Variants in DNAH7 observed in about 807,000 individuals in gnomAD.
The protein encoded by DNAH7 is dynein axonemal heavy chain 7.
DNAH7 carries 397 observed loss-of-function variants against 444.6 expected under a neutral mutation model. That is an observed-to-expected ratio of 0.89 (90% CI 0.82 to 0.97). The LOEUF (loss-of-function observed/expected upper bound fraction) is 0.97, where lower values mean the gene tolerates loss of function less well. Among genes scored for constraint, DNAH7 ranks in the 50% least tolerant of loss-of-function variants. DNAH7 has a pLI of 0.00. For synonymous variants in DNAH7, 1,636 were observed against 1,624.4 expected (o/e 1.01, Z -0.17); for missense variants, 4,902 against 4,800.8 (o/e 1.02, Z -0.62).
At chr2:195,884,246 C>T (rs1292219528) in intron 35 of DNAH7, among the ~76,000 whole-genome samples, 1 of 152,144 alleles carries the variant, frequency 6.6e-6, no homozygotes, top group Non-Finnish European at 1.5e-5. Flanking sequence ...CTAACATGCA[C>T]CATGAACTTC....
chr2:195,809,839 G>A lies in DNAH7; in HGVS notation c.9794C>T (p.Ser3265Leu). ...LQILKDHFTY[S>L]LYVNVCRSLF... Reference sequence around the variant, plus strand: ...TGACCGGCAGACATTAACATACAGTGAATAAGTAAAGTGATCCTTGAGAAT... The same window carrying A: ...TGACCGGCAGACATTAACATACAGTAAATAAGTAAAGTGATCCTTGAGAAT... Residue 3265 changes from serine to leucine, a missense_variant, in exon 52 of 65, where the codon TCA (serine) becomes TTA (leucine). Ser to Leu is a moderately radical substitution (Grantham distance 145). Transcript: ENST00000312428. 1 of 1,585,088 alleles carries A rather than the reference G, an allele frequency of 6.3e-7. No homozygotes were observed. Among genetic ancestry groups the A allele is most frequent in the Non-Finnish European group, 8.6e-7 (1 of 1,165,302 alleles).
At chr2:195,756,668 C>A (rs1452521776) in intron 61 of DNAH7, among the ~76,000 whole-genome samples, 1 of 151,988 alleles carries the variant, frequency 6.6e-6, no homozygotes, top group African/African-American at 2.4e-5. Flanking sequence ...CATGCATCAC[C>A]ACACCCAACT....
At position 195,796,710 on chromosome 2, in the gene DNAH7, A is replaced by T. The variant is rs577370417; in HGVS notation, c.10381T>A (p.Leu3461Ile). 1 of 1,614,186 alleles carries T rather than the reference A, an allele frequency of 6.2e-7. No homozygotes were observed. Among genetic ancestry groups the T allele is most frequent in the East Asian group, 2.2e-5 (1 of 44,874 alleles). The change falls in exon 56 of 65, where the codon TTA (leucine) becomes ATA (isoleucine). Residue 3461 changes from leucine to isoleucine, a missense_variant. Transcript: ENST00000312428. ...QGYGGSKLSS[L>I]SLGQGQGPIA... ...GGCCCTTGGCCTTGACCAAGAGATA[A>T]AGAGCTAAGTTTTGATCCCCCATAT...
intron 5 of DNAH7, among the ~76,000 whole-genome samples, chr2:196,033,439 C>A (rs1696187965): frequency 6.6e-6 from 1 of 152,122 alleles, no homozygotes; most frequent in South Asian, 2.1e-4. Flanking sequence ...TAGCCTTTAA[C>A]CATCATCTCC....
intron 54 of DNAH7, among the ~76,000 whole-genome samples, chr2:195,803,212 T>C (rs1696558889): frequency 1.3e-5 from 2 of 152,246 alleles, no homozygotes; most frequent in African/African-American, 4.8e-5. Flanking sequence ...AATTATAGTT[T>C]TGCAAACAAA....
At chr2:195,949,311 T>C (rs1045418185) in intron 19 of DNAH7, among the ~76,000 whole-genome samples, 4 of 152,046 alleles carry the variant, frequency 2.6e-5, no homozygotes. Context: ...TGAGATGGAG[T>C]CTCACTCCAT....
intron 19 of DNAH7, among the ~76,000 whole-genome samples, chr2:195,939,620 G>T (rs1295170246): frequency 1.3e-5 from 2 of 152,136 alleles, no homozygotes; most frequent in Non-Finnish European, 2.9e-5. Context: ...TAAAGGGGAA[G>T]AATTGAATTA....
intron 4 of DNAH7, among the ~76,000 whole-genome samples, chr2:196,047,725 TTTGA>T (rs1444209503): frequency 6.6e-6 from 1 of 151,786 alleles, no homozygotes; most frequent in Non-Finnish European, 1.5e-5. Context: ...TGATTTATAT[TTTGA>T]TTAATATACT....
chr2:195,986,967 T>G, intron 14 of DNAH7, 99 bp downstream of exon 14: 1 of 1,093,946 alleles, frequency 9.1e-7, no homozygotes, highest in Non-Finnish European at 1.3e-6. Flanking sequence ...TTTGGAATCA[T>G]TTATGGCATT....
intron 22 of DNAH7, 70 bp downstream of exon 22, chr2:195,926,356 A>G (rs1688332561): frequency 1.6e-6 from 2 of 1,273,222 alleles, no homozygotes; most frequent in Admixed American, 3.0e-5. Flanking sequence ...AGTTTTTAAA[A>G]TAAGTGTATT....
Position 195,738,086 on chromosome 2 carries a change from C to T in DNAH7, c.11910G>A (p.Arg3970=). The T allele has an allele frequency of 6.2e-7, 1 of 1,613,906 alleles. No homozygotes were observed. The highest frequency in any genetic ancestry group is 8.5e-7 in the Non-Finnish European group (1 of 1,179,832). The change falls in exon 65 of 65, where the codon CGG becomes CGA. Residue 3970 remains arginine (R), a synonymous_variant. Transcript: ENST00000312428. ...TATACAATGGAGCAACATAACTTGG[C>T]CGTTTTGGTATATCTGCCCTCTTAC... ...KPCKRADIPK[R]PSYVAPLYKT... is the part of the protein sequence containing the mutation.
At chr2:195,818,028 T>C (rs16840217) in intron 49 of DNAH7, among the ~76,000 whole-genome samples, 199 bp from the exon 50 acceptor site, 4,106 of 152,278 alleles carry the variant, frequency 0.027, 182 homozygotes, top group African/African-American at 0.093. Context: ...CAGTTTCTCA[T>C]AGTCAAAAAT....
chr2:195,805,480 A>AT (rs966751169), intron 54 of DNAH7, among the ~76,000 whole-genome samples: 4 of 152,110 alleles, frequency 2.6e-5, no homozygotes, highest in African/African-American at 9.7e-5. Flanking sequence ...TGGAGATTAC[A>AT]TTTTTTAAAA....
At chr2:195,994,310 A>C in intron 12 of DNAH7, 3 of 520,232 alleles carry the variant, frequency 5.8e-6, no homozygotes, top group Non-Finnish European at 6.9e-6. Flanking sequence ...CAAAGATATC[A>C]CTGATGCCTT....
At chr2:195,919,697 T>C (rs998203085) in intron 24 of DNAH7, among the ~76,000 whole-genome samples, 6 of 152,120 alleles carry the variant, frequency 3.9e-5, no homozygotes, top group Admixed American at 1.3e-4. Context: ...TTTAATTCAA[T>C]TAAATCAGTA....
At chr2:195,974,861 ACTGATACGTAAAAATTGG>A (rs1392421024) in intron 15 of DNAH7, among the ~76,000 whole-genome samples, 1 of 152,114 alleles carries the variant, frequency 6.6e-6, no homozygotes, top group African/African-American at 2.4e-5. Context: ...CTCCTTAAAG[ACTGATACGTAAAAATTGG>A]TTCTAATGAT....
At chr2:196,051,092 G>A (rs1697435668) in intron 3 of DNAH7, 95 bp downstream of exon 3, 7 of 1,071,548 alleles carry the variant, frequency 6.5e-6, no homozygotes, top group Middle Eastern at 2.8e-4. Flanking sequence ...AGAATCAAAT[G>A]GAGCAGGAAT....
At chr2:195,741,136 CAG>C (rs143216291) in intron 63 of DNAH7, 2,655 of 188,856 alleles carry the variant, frequency 0.014, 74 homozygotes, top group African/African-American at 0.058. Flanking sequence ...GGGAAGTTCT[CAG>C]TGTGTGTGTG....
chr2:195,766,990 T>TA (rs1694617052), intron 61 of DNAH7, among the ~76,000 whole-genome samples: 1 of 152,152 alleles, frequency 6.6e-6, no homozygotes, highest in Non-Finnish European at 1.5e-5. Context: ...CTGTTAGTCT[T>TA]AAAATAAGGA....
Sources: allele counts gnomAD v4.1 joint callset (sites outside exome capture counted in the v4.1 genomes callset), GRCh38; gene constraint gnomAD v4.1.1; transcripts MANE v1.5; gene names NCBI Gene and HGNC (gene_info 2026-07-23, HGNC 2026-07-21).